FRMD6: variants seen among roughly 807,000 people sequenced by gnomAD.
FRMD6 encodes FERM domain containing 6, also known as FERM domain-containing protein 6.
Under a neutral mutation model 73.2 loss-of-function variants are expected in FRMD6, and 37 were observed. The observed-to-expected ratio is 0.51, with a 90% CI of 0.39 to 0.66. The LOEUF (loss-of-function observed/expected upper bound fraction) is 0.66, where lower values mean the gene tolerates loss of function less well. Among genes scored for constraint, FRMD6 ranks in the 30% least tolerant of loss-of-function variants. The probability of loss-of-function intolerance (pLI) is 0.00; values close to 1 mark genes in which losing one functional copy is unlikely to be tolerated. For missense variants in FRMD6, 714 were observed against 780.5 expected, an observed-to-expected ratio of 0.91 and a Z score of 1.02; for synonymous variants, 273 against 282.2, an observed-to-expected ratio of 0.97 and a Z score of 0.33.
intron 1 of FRMD6, among the ~76,000 whole-genome samples, chr14:51,555,753 G>T (rs1887091122): frequency 6.7e-6 from 1 of 149,038 alleles, no homozygotes; most frequent in African/African-American, 2.5e-5. Context: ...GGTGAGCAGA[G>T]ATTGTGCCAT....
At chr14:51,631,546 G>T (rs1891336654) in intron 2 of FRMD6, among the ~76,000 whole-genome samples, 1 of 152,216 alleles carries the variant, frequency 6.6e-6, no homozygotes, top group Non-Finnish European at 1.5e-5. Context: ...AGAGAAGGTG[G>T]TAAAAGGGAC....
At chr14:51,466,217 C>A in the FRMD6 span, among the ~76,000 whole-genome samples, 1 of 152,136 alleles carries the variant, frequency 6.6e-6, no homozygotes, top group African/African-American at 2.4e-5. Flanking sequence ...CTTGCATTTA[C>A]ATTTATTAAT....
intron 1 of FRMD6, chr14:51,570,262 T>A (rs2139585367): frequency 6.6e-6 from 1 of 152,352 alleles, no homozygotes; most frequent in Admixed American, 6.5e-5. Context: ...ATGGTGGTGT[T>A]TAATCTGTCT....
intron 5 of FRMD6, chr14:51,704,472 A>G (rs539107278): frequency 2.5e-5 from 9 of 360,808 alleles, no homozygotes; most frequent in Non-Finnish European, 4.5e-5. Context: ...GGAATGATTC[A>G]GACCTTTTTC....
At chr14:51,511,991 T>A (rs1422851022) in intron 1 of FRMD6, among the ~76,000 whole-genome samples, 2 of 152,182 alleles carry the variant, frequency 1.3e-5, no homozygotes, top group Non-Finnish European at 2.9e-5. Flanking sequence ...ACATTTTCTC[T>A]TTTGGTAATA....
At chr14:51,677,543 G>A (rs931149867) in intron 1 of FRMD6, among the ~76,000 whole-genome samples, 9 of 152,072 alleles carry the variant, frequency 5.9e-5, no homozygotes, top group Non-Finnish European at 1.2e-4. Flanking sequence ...TTGGTTGAAA[G>A]GAATTTTTGT....
At chr14:51,712,114 A>G (rs1019538541) in intron 8 of FRMD6, among the ~76,000 whole-genome samples, 3 of 152,244 alleles carry the variant, frequency 2.0e-5, no homozygotes, top group African/African-American at 7.2e-5. Flanking sequence ...TACCTCTTTC[A>G]GCAAGACACA....
chr14:51,671,508 G>GT (rs1157470209), intron 1 of FRMD6, among the ~76,000 whole-genome samples: 1 of 152,130 alleles, frequency 6.6e-6, no homozygotes, highest in East Asian at 1.9e-4. Context: ...ATACTAACAT[G>GT]TTATAAGATA....
At chr14:51,569,103 C>T (rs1236341321) in intron 1 of FRMD6, among the ~76,000 whole-genome samples, 1 of 152,100 alleles carries the variant, frequency 6.6e-6, no homozygotes, top group Non-Finnish European at 1.5e-5. Flanking sequence ...ACCTCTGCCA[C>T]CCAAAATGCT....
In FRMD6 at chr14:51,593,071, G is replaced by A. The variant is rs1036979196; in HGVS notation, c.-147+22661G>A. On this transcript the variant is annotated intron_variant, in intron 2 of 14. Coordinates refer to the FRMD6 transcript ENST00000356218. ...CTCAGTTTAGTAAACAATGCCTTTC[G>A]TAGTTTTTACCTAAACCACCTTCTT... Among the ~76,000 whole-genome samples, 7 of 152,136 alleles carry A rather than the reference G, an allele frequency of 4.6e-5. No homozygotes were observed. In the South Asian group the frequency reaches 6.2e-4, roughly 14 times the overall value.
chr14:51,691,381 T>G (rs1260507789), intron 2 of FRMD6, among the ~76,000 whole-genome samples: 1 of 152,070 alleles, frequency 6.6e-6, no homozygotes, highest in Non-Finnish European at 1.5e-5. Context: ...TTACACTATG[T>G]TTAGCCTTGG....
the FRMD6 span, among the ~76,000 whole-genome samples, chr14:51,467,356 T>C: frequency 1.3e-5 from 2 of 152,246 alleles, no homozygotes; most frequent in African/African-American, 4.8e-5. Context: ...GAGTCTCCTA[T>C]GTCTACTTCT....
At chr14:51,472,397 A>G in the FRMD6 span, among the ~76,000 whole-genome samples, 19 of 152,194 alleles carry the variant, frequency 1.2e-4, no homozygotes, top group Admixed American at 2.6e-4. Context: ...TCCACCTCCC[A>G]GGTTCACGCC....
intron 1 of FRMD6, among the ~76,000 whole-genome samples, chr14:51,498,057 G>A (rs917557934): frequency 6.6e-6 from 1 of 152,202 alleles, no homozygotes; most frequent in Non-Finnish European, 1.5e-5. Flanking sequence ...AATCCAGCAA[G>A]TCCTGGGACC....
the FRMD6 span, among the ~76,000 whole-genome samples, chr14:51,426,115 A>G: frequency 0.9 from 137,250 of 152,166 alleles, 62,115 homozygotes; most frequent in Non-Finnish European, 0.92. Context: ...CCTAACAAAT[A>G]TCCCATTTTA....
intron 1 of FRMD6, among the ~76,000 whole-genome samples, chr14:51,539,699 C>G (rs1010529170): frequency 1.3e-5 from 2 of 152,128 alleles, no homozygotes; most frequent in East Asian, 1.9e-4. Context: ...GTTCCCCCAA[C>G]CCCCACCTTT....
chr14:51,427,705 G>A, the FRMD6 span, among the ~76,000 whole-genome samples: 2 of 152,342 alleles, frequency 1.3e-5, no homozygotes, highest in South Asian at 2.1e-4. Context: ...GAACATAAGT[G>A]AGCATGCAGT....
chr14:51,604,253 C>A (rs1244310099), intron 2 of FRMD6, among the ~76,000 whole-genome samples: 2 of 152,106 alleles, frequency 1.3e-5, no homozygotes, highest in Admixed American at 6.6e-5. Flanking sequence ...GCACCCATTG[C>A]GTGAAAAGCA....
At chr14:51,455,527 G>A in the FRMD6 span, among the ~76,000 whole-genome samples, 5 of 152,114 alleles carry the variant, frequency 3.3e-5, no homozygotes, top group African/African-American at 1.2e-4. Flanking sequence ...ATATATAGTT[G>A]TCAGTGTTAA....
Sources: allele counts gnomAD v4.1 joint callset (sites outside exome capture counted in the v4.1 genomes callset), GRCh38; gene constraint gnomAD v4.1.1; transcripts MANE v1.5; gene names NCBI Gene and HGNC (gene_info 2026-07-23, HGNC 2026-07-21).